Variants in TENM3 observed in about 807,000 individuals in gnomAD.
TENM3 encodes the protein teneurin-3.
TENM3 carries 63 observed loss-of-function variants against 255.1 expected under a neutral mutation model. That is an observed-to-expected ratio of 0.25 (90% CI 0.20 to 0.30). The LOEUF is 0.30. TENM3 is among the 10% of genes least tolerant of loss of function. The pLI is 1.00. For synonymous variants in TENM3, 1,306 were observed against 1,322.3 expected (o/e 0.99, Z 0.27); for missense variants, 2,929 against 3,461.1 (o/e 0.85, Z 3.86).
chr4:181,581,495 C>T, the TENM3 span, among the ~76,000 whole-genome samples: 2 of 152,080 alleles, frequency 1.3e-5, no homozygotes, highest in African/African-American at 4.8e-5. Context: ...CTTCAAATAT[C>T]CCGGTTTTCC....
the TENM3 span, among the ~76,000 whole-genome samples, chr4:181,483,675 T>C: frequency 6.6e-6 from 1 of 152,164 alleles, no homozygotes; most frequent in African/African-American, 2.4e-5. Flanking sequence ...TTGATTTGGC[T>C]TTTCTTCAGC....
chr4:181,733,935 G>C, the TENM3 span, among the ~76,000 whole-genome samples: 2 of 152,140 alleles, frequency 1.3e-5, no homozygotes, highest in African/African-American at 4.8e-5. Context: ...AAAGTTCTTT[G>C]TTTGCGGTTT....
Position 182,247,834 on chromosome 4 carries a change from G to A in TENM3, c.-76+4358G>A, listed in dbSNP as rs547063200. Among the ~76,000 whole-genome samples, 9 of 152,250 alleles carry A rather than the reference G, an allele frequency of 5.9e-5. No homozygotes were observed. The South Asian group carries it at 1.7e-3, about 28-fold the overall frequency. ...TTTATTGGGAAAAATAAAGAACTGTGAACATTGGTGAGAAGTCTTAAAAAT... is the reference window on the plus strand; with the variant it reads ...TTTATTGGGAAAAATAAAGAACTGTAAACATTGGTGAGAAGTCTTAAAAAT... On this transcript the variant is annotated intron_variant, in intron 1 of 27. Coordinates refer to ENST00000511685, the MANE Select transcript of TENM3 (RefSeq NM_001080477.4).
chr4:182,239,759 T>C (rs72698036), upstream of TENM3, among the ~76,000 whole-genome samples: 6,581 of 151,942 alleles, frequency 0.043, 179 homozygotes, highest in Non-Finnish European at 0.054. Flanking sequence ...CTAATATTTG[T>C]TGCTTATAGT....
intron 3 of TENM3, among the ~76,000 whole-genome samples, chr4:182,409,443 A>C (rs1378848784): frequency 6.6e-6 from 1 of 152,232 alleles, no homozygotes; most frequent in Non-Finnish European, 1.5e-5. Flanking sequence ...TTTTAACTGT[A>C]ATAGCCCCAG....
At chr4:182,309,976 T>C (rs1762349902) in intron 1 of TENM3, among the ~76,000 whole-genome samples, 1 of 152,196 alleles carries the variant, frequency 6.6e-6, no homozygotes, top group African/African-American at 2.4e-5. Flanking sequence ...TAGAAAGGTA[T>C]TGTCATATGC....
chr4:181,819,538 A>T, the TENM3 span, among the ~76,000 whole-genome samples: 555 of 152,278 alleles, frequency 3.6e-3, 4 homozygotes, highest in African/African-American at 0.013. Flanking sequence ...CACCTGTGCC[A>T]CCTAGAACAG....
chr4:182,632,250 T>C (rs1751437416), intron 5 of TENM3, among the ~76,000 whole-genome samples: 1 of 152,204 alleles, frequency 6.6e-6, no homozygotes, highest in Non-Finnish European at 1.5e-5. Flanking sequence ...TATTTTCTTG[T>C]ACCTGTGTCC....
intron 1 of TENM3, among the ~76,000 whole-genome samples, chr4:182,289,860 G>A (rs543042073): frequency 2.0e-5 from 3 of 152,264 alleles, no homozygotes; most frequent in South Asian, 2.1e-4. Context: ...AGTTGCTTCA[G>A]TGTCGGGTTG....
chr4:182,668,518 G>GA (rs1290684953), intron 6 of TENM3, among the ~76,000 whole-genome samples: 3 of 151,960 alleles, frequency 2.0e-5, no homozygotes, highest in East Asian at 1.9e-4. Flanking sequence ...GTTACGGGAG[G>GA]AAAAAAATCA....
At chr4:181,812,457 T>C in the TENM3 span, among the ~76,000 whole-genome samples, 7 of 152,332 alleles carry the variant, frequency 4.6e-5, no homozygotes, top group African/African-American at 1.7e-4. Context: ...TTAGTTATGC[T>C]GATTATTTAT....
the TENM3 span, among the ~76,000 whole-genome samples, chr4:181,647,764 T>C: frequency 6.6e-6 from 1 of 152,136 alleles, no homozygotes. Flanking sequence ...GAAAACAAGC[T>C]GATACCCTAT....
chr4:182,482,002 T>A (rs1734247608), intron 3 of TENM3, among the ~76,000 whole-genome samples: 1 of 152,186 alleles, frequency 6.6e-6, no homozygotes, highest in African/African-American at 2.4e-5. Flanking sequence ...AACACTGAAG[T>A]AAATGCAGAT....
At chr4:181,847,222 A>G in the TENM3 span, among the ~76,000 whole-genome samples, 159 of 152,356 alleles carry the variant, frequency 1.0e-3, no homozygotes, top group African/African-American at 3.6e-3. Flanking sequence ...TGAATTAGTA[A>G]TTTCACAGCT....
chr4:181,512,838 T>G, the TENM3 span, among the ~76,000 whole-genome samples: 1 of 152,174 alleles, frequency 6.6e-6, no homozygotes, highest in Admixed American at 6.5e-5. Context: ...TCTAGACACA[T>G]TTAGATTAGA....
the TENM3 span, among the ~76,000 whole-genome samples, chr4:181,669,371 T>C: frequency 6.6e-6 from 1 of 152,180 alleles, no homozygotes; most frequent in Admixed American, 6.5e-5. Flanking sequence ...AAGGATTTCT[T>C]GGGAGTTGGA....
chr4:181,553,902 T>A, the TENM3 span, among the ~76,000 whole-genome samples: 1 of 152,124 alleles, frequency 6.6e-6, no homozygotes, highest in African/African-American at 2.4e-5. Flanking sequence ...CCAGCAATCC[T>A]GCTCCATCCC....
intron 3 of TENM3, among the ~76,000 whole-genome samples, chr4:182,501,784 CT>C (rs1173111990): frequency 8.6e-5 from 13 of 152,020 alleles, no homozygotes; most frequent in Admixed American, 4.6e-4. Context: ...AGTTATATGA[CT>C]TTTTTTAGTC....
chr4:182,177,958 G>GTTTTTTTTTTTTTT (rs56256529), intron 1 of TENM3, among the ~76,000 whole-genome samples: 8 of 117,128 alleles, frequency 6.8e-5, no homozygotes, highest in Non-Finnish European at 1.1e-4. Context: ...TTTGGTTTTT[G>GTTTTTTTTTTTTTT]TTTTTTTTTT....
Sources: allele counts gnomAD v4.1 joint callset (sites outside exome capture counted in the v4.1 genomes callset), GRCh38; gene constraint gnomAD v4.1.1; transcripts MANE v1.5; gene names NCBI Gene and HGNC (gene_info 2026-07-23, HGNC 2026-07-21).